NFASC: variants seen among roughly 807,000 people sequenced by gnomAD.
The protein encoded by NFASC is neurofascin homolog.
In NFASC, 43 loss-of-function variants were observed where a neutral mutation model predicts 147.5. That is an observed-to-expected ratio of 0.29 (90% CI 0.23 to 0.38). The LOEUF (loss-of-function observed/expected upper bound fraction) is 0.38, where lower values mean the gene tolerates loss of function less well. Ranked by LOEUF, NFASC falls within the 10% of genes least tolerant of loss-of-function variation. The pLI, the probability that NFASC is intolerant of heterozygous loss-of-function variation, is 1.00. For synonymous variants in NFASC, 622 were observed against 665.5 expected (o/e 0.93, Z 1.01); for missense variants, 1,320 against 1,689.0 (o/e 0.78, Z 3.83).
intron 21 of NFASC, 95 bp downstream of exon 21, chr1:204,982,115 G>A (rs1240357993): frequency 1.4e-5 from 11 of 762,864 alleles, no homozygotes; most frequent in Non-Finnish European, 2.2e-5. Flanking sequence ...GTGGGTATGG[G>A]AGGACAGCCA....
rs548937859 is a variant in NFASC at position 204,954,748 on chromosome 1, G to A, written c.413-81G>A. 5 of 1,517,328 alleles carry A rather than the reference G, an allele frequency of 3.3e-6. No individual in the cohort carries two copies. The highest frequency in any genetic ancestry group is 1.7e-4 in the Middle Eastern group (1 of 5,750). The allele number at this position is 1,517,328 out of a possible 1,614,324, so 94.0% of individuals were successfully genotyped here. ...GGTGCCCCTTCTGTTTCTCCTCCTT[G>A]CATGCCTGCCTCTGACCCTGCTCCT... is the stretch of plus-strand genomic sequence containing the variant. On this transcript the variant is annotated intron_variant, in intron 6 of 29. Coordinates refer to ENST00000339876, the MANE Select transcript of NFASC (RefSeq NM_001005388.3). This position sits in a 1 kb window ranked among gnomAD's most constrained non-coding sequence, Gnocchi z 5.7.
intron 5 of NFASC, among the ~76,000 whole-genome samples, chr1:204,952,903 C>T (rs1374642235): frequency 6.6e-6 from 1 of 152,160 alleles, no homozygotes; most frequent in East Asian, 1.9e-4. Context: ...AGGTATGCAG[C>T]AGCTTTATTC....
rs758592602 is a variant in NFASC at position 204,979,366 on chromosome 1, C to T, written c.1983C>T (p.Tyr661=). 14 of 1,613,818 alleles carry T rather than the reference C, an allele frequency of 8.7e-6. No individual in the cohort carries two copies. In the East Asian group the frequency reaches 1.1e-4, roughly 13 times the overall value. ...GDANNSPITD[Y]VVQFEEDQFQ... is the part of the protein sequence containing the mutation. ...CTGTTTTCCTTGCCCACTCAGACTA[C>T]GTCGTCCAGTTTGAAGAAGACCAGT... Residue 661 remains tyrosine, a synonymous_variant, in exon 19 of 30, where the codon TAC becomes TAT. Coordinates refer to ENST00000339876, the MANE Select transcript of NFASC (RefSeq NM_001005388.3). This position sits in a 1 kb window ranked among gnomAD's most constrained non-coding sequence, Gnocchi z 6.0.
intron 1 of NFASC, among the ~76,000 whole-genome samples, chr1:204,889,723 C>T (rs1198521798): frequency 6.6e-6 from 1 of 152,188 alleles, no homozygotes; most frequent in Non-Finnish European, 1.5e-5. Context: ...AGAATGGAGG[C>T]TTCTCAGAGA....
chr1:204,946,485 A>G (rs984053260), intron 3 of NFASC: 9 of 413,910 alleles, frequency 2.2e-5, no homozygotes, highest in African/African-American at 1.4e-4. Context: ...AGCATGCCCC[A>G]CACACATGGC....
chr1:205,022,492 T>C lies in NFASC; in HGVS notation c.*5953T>C, dbSNP rs942556432. On this transcript the variant is annotated 3_prime_UTR_variant, in exon 30 of 30. Transcript: ENST00000339876. ...CCTACATATCCACACACACACAAAT[T>C]GGTCTGATCTTTTTTCCATTGGTTA... The C allele has an allele frequency of 3.3e-4, 50 of 152,594 alleles. No homozygotes were observed. The highest frequency in any genetic ancestry group is 1.4e-3 in the Admixed American group (21 of 15,276). The allele number at this position is 152,594 out of a possible 1,614,324, so 9.5% of individuals were successfully genotyped here.
In NFASC at chr1:204,954,437, T is replaced by G. The variant is rs2094320274; in HGVS notation, c.412+53T>G. 3 of 1,555,168 alleles carry G rather than the reference T, an allele frequency of 1.9e-6. No individual in the cohort carries two copies. The highest frequency in any genetic ancestry group is 2.3e-5 in the East Asian group (1 of 43,990). ...GCCCTGCTCCTGGGTAAATGGAGAGTGGGGGGTGTGGAAGGCCATTCCAGA... is the reference window on the plus strand; with the variant it reads ...GCCCTGCTCCTGGGTAAATGGAGAGGGGGGGGTGTGGAAGGCCATTCCAGA... On this transcript the variant is annotated intron_variant, in intron 6 of 29. Coordinates refer to ENST00000339876, the MANE Select transcript of NFASC (RefSeq NM_001005388.3). This position sits in a 1 kb window ranked among gnomAD's most constrained non-coding sequence, Gnocchi z 5.7.
At chr1:204,906,300 C>T (rs1347025002) in intron 1 of NFASC, among the ~76,000 whole-genome samples, 4 of 152,130 alleles carry the variant, frequency 2.6e-5, no homozygotes, top group Admixed American at 6.6e-5. Context: ...GTAACCACCA[C>T]CATAAGCAAG....
At position 205,020,346 on chromosome 1, in the gene NFASC, A is replaced by G. The variant is rs1351806991; in HGVS notation, c.*3807A>G. On this transcript the variant is annotated 3_prime_UTR_variant, in exon 30 of 30. Coordinates refer to ENST00000339876, the MANE Select transcript of NFASC (RefSeq NM_001005388.3). ...TGCCCACGCATGCTCACATACATAC[A>G]GCAGACCACAACCCTGTTGCCAAGC... 2 of 152,360 alleles carry G rather than the reference A, an allele frequency of 1.3e-5. No individual in the cohort carries two copies. Among genetic ancestry groups the G allele is most frequent in the African/African-American group, 2.4e-5 (1 of 41,446 alleles). 9.4% of individuals were successfully genotyped at this position (152,360 alleles called of 1,614,324 possible). A position where few individuals can be genotyped will look rare whatever the true frequency, so the allele number is the denominator to read the frequency against.
chr1:204,844,691 A>G (rs543187696), intron 1 of NFASC, among the ~76,000 whole-genome samples: 2 of 152,310 alleles, frequency 1.3e-5, no homozygotes, highest in South Asian at 4.1e-4. Flanking sequence ...TTAAAGAAAG[A>G]GGAGAGAGAC....
intron 21 of NFASC, chr1:204,985,812 T>C (rs940622223): frequency 1.2e-5 from 9 of 756,912 alleles, no homozygotes; most frequent in Non-Finnish European, 1.8e-5. Flanking sequence ...ACTTGGAGGC[T>C]GTAGCAAGCA....
chr1:204,967,267 T>A (rs1201965633), intron 8 of NFASC, among the ~76,000 whole-genome samples: 1 of 152,036 alleles, frequency 6.6e-6, no homozygotes, highest in Admixed American at 6.6e-5. Context: ...TGCCTTGGGG[T>A]TTCTGGATGG....
chr1:204,888,174 T>C (rs2148990299), intron 1 of NFASC, among the ~76,000 whole-genome samples: 1 of 152,320 alleles, frequency 6.6e-6, no homozygotes, highest in African/African-American at 2.4e-5. Flanking sequence ...CTCTTTGCCT[T>C]TGGGCAGTTA....
At chr1:204,957,162 A>G (rs2094468197) in intron 7 of NFASC, among the ~76,000 whole-genome samples, 1 of 152,248 alleles carries the variant, frequency 6.6e-6, no homozygotes, top group Non-Finnish European at 1.5e-5. Context: ...GCCAAGTTCA[A>G]TTTCATTTAA....
chr1:204,997,521 C>T (rs2095873308), intron 25 of NFASC, 115 bp downstream of exon 25: 2 of 1,164,782 alleles, frequency 1.7e-6, no homozygotes, highest in Non-Finnish European at 2.5e-6. Context: ...GTGTTTGCCA[C>T]CACCTCCCTT....
At chr1:204,866,429 C>A (rs1404538764) in intron 1 of NFASC, among the ~76,000 whole-genome samples, 2 of 152,184 alleles carry the variant, frequency 1.3e-5, no homozygotes, top group African/African-American at 4.8e-5. Context: ...TCTTAGGTAA[C>A]CATGCTTCCA....
chr1:205,008,405 C>CTGG (rs2096179709), intron 27 of NFASC: 1 of 152,734 alleles, frequency 6.5e-6, no homozygotes, highest in African/African-American at 2.4e-5. Context: ...TCTTGGGGCT[C>CTGG]CTGCTGTTGT....
intron 8 of NFASC, chr1:204,962,281 T>TA (rs1324003870): frequency 1.2e-6 from 1 of 817,120 alleles, no homozygotes; most frequent in Non-Finnish European, 2.1e-6. Flanking sequence ...GGTGCCAAGG[T>TA]GACACCTCCA....
intron 1 of NFASC, among the ~76,000 whole-genome samples, chr1:204,859,163 A>G (rs2102812750): frequency 1.3e-5 from 2 of 152,222 alleles, no homozygotes; most frequent in Middle Eastern, 3.4e-3. Flanking sequence ...ATCTTAGTAG[A>G]GACGGGGTTT....
Sources: allele counts gnomAD v4.1 joint callset (sites outside exome capture counted in the v4.1 genomes callset), GRCh38; gene constraint gnomAD v4.1.1; non-coding constraint Gnocchi (gnomAD v3.1); transcripts MANE v1.5; gene names NCBI Gene and HGNC (gene_info 2026-07-23, HGNC 2026-07-21).